The following AIG1 variants were observed in gnomAD, a reference collection of about 807,000 sequenced individuals.
AIG1 encodes androgen induced 1, also known as androgen-induced gene 1 protein.
AIG1 carries 23 observed loss-of-function variants against 31.4 expected under a neutral mutation model. That is an observed-to-expected ratio of 0.73 (90% CI 0.53 to 1.04). The LOEUF (loss-of-function observed/expected upper bound fraction) is 1.04. AIG1 is among the 50% of genes least tolerant of loss of function. The pLI, the probability that AIG1 is intolerant of heterozygous loss-of-function variation, is 0.00. For synonymous variants in AIG1, 100 were observed against 110.5 expected, an observed-to-expected ratio of 0.90 and a Z score of 0.60; for missense variants, 274 against 295.0, an observed-to-expected ratio of 0.93 and a Z score of 0.52.
intron 3 of AIG1, among the ~76,000 whole-genome samples, chr6:143,182,838 T>A (rs1224009144): frequency 2.0e-5 from 3 of 152,232 alleles, no homozygotes; most frequent in Non-Finnish European, 4.4e-5. Context: ...GTCCATGTTT[T>A]CTCTTGTTCT....
chr6:143,249,627 T>G (rs1458766262), intron 3 of AIG1, among the ~76,000 whole-genome samples: 4 of 152,230 alleles, frequency 2.6e-5, no homozygotes, highest in Non-Finnish European at 5.9e-5. Context: ...GACTTCCTAC[T>G]GCACTACCAG....
chr6:143,324,284 C>T (rs1013769011), intron 4 of AIG1, among the ~76,000 whole-genome samples: 2 of 152,168 alleles, frequency 1.3e-5, no homozygotes, highest in African/African-American at 2.4e-5. Flanking sequence ...CTGAACTCTG[C>T]GTTTTATAAG....
chr6:143,147,312 T>C (rs1329276239), intron 2 of AIG1, among the ~76,000 whole-genome samples: 1 of 152,110 alleles, frequency 6.6e-6, no homozygotes, highest in African/African-American at 2.4e-5. Flanking sequence ...CCAGAAAAGA[T>C]TGGAGAGGAA....
At chr6:143,190,627 C>T (rs1309927586) in intron 3 of AIG1, 4 of 985,052 alleles carry the variant, frequency 4.1e-6, no homozygotes, top group Non-Finnish European at 4.8e-6. Context: ...ACAGATCCTC[C>T]AGTTGAACAG....
rs9403445 is a variant in AIG1 at position 143,114,295 on chromosome 6, A to C, written c.142-22540A>C. ...TGTTTTGGTTTTGTTTTTCTCCTAA[A>C]AAACCAGTGTGACTAGTTTAAAACA... is the stretch of plus-strand genomic sequence containing the variant. On this transcript the variant is annotated intron_variant, in intron 1 of 5. Coordinates refer to ENST00000357847, the MANE Select transcript of AIG1 (RefSeq NM_016108.4). Among the ~76,000 whole-genome samples, 447 of 152,360 alleles carry C rather than the reference A, an allele frequency of 2.9e-3. 11 individuals carry two copies. In the East Asian group the frequency reaches 0.053, roughly 18 times the overall value.
rs1317261253 is a variant in AIG1, at chr6:143,292,046, G to T, written c.515+7821G>T. On this transcript the variant is annotated intron_variant, in intron 4 of 5. Coordinates refer to ENST00000357847, the MANE Select transcript of AIG1 (RefSeq NM_016108.4). This position sits in a 1 kb window ranked among gnomAD's most constrained non-coding sequence, Gnocchi z 4.9. ...GGCCTGGACCCTGGTGGTAGAAATG[G>T]CGTTAATAGGATTCTGGATATATTT... Among the ~76,000 whole-genome samples, 2 of 152,180 alleles carry T rather than the reference G, an allele frequency of 1.3e-5. No individual in the cohort carries two copies. The highest frequency in any genetic ancestry group is 1.3e-4 in the Admixed American group (2 of 15,280).
chr6:143,274,398 A>T (rs537389350), intron 3 of AIG1, among the ~76,000 whole-genome samples: 1 of 152,364 alleles, frequency 6.6e-6, no homozygotes, highest in East Asian at 1.9e-4. Context: ...TTGAGGCATT[A>T]TCTTGAGAAT....
chr6:143,067,772 T>TGAGTACTCA lies in AIG1; in HGVS notation c.141+6708_141+6716dup, dbSNP rs764977647. 2.0e-4 allele frequency among the ~76,000 whole-genome samples: 31 copies of TGAGTACTCA among 152,332 alleles called. No homozygotes were observed. In the Middle Eastern group the frequency reaches 0.01, roughly 50 times the overall value. On this transcript the variant is annotated intron_variant, in intron 1 of 5. Coordinates refer to ENST00000357847, the MANE Select transcript of AIG1 (RefSeq NM_016108.4). ...TGCCACGTGAAGGCCAGTAGTTTAT[T>TGAGTACTCA]GAGTACTCAGGGAACAAAATTAGGT...
At position 143,301,820 on chromosome 6, in the gene AIG1, A is replaced by G. The variant is rs192156283; in HGVS notation, c.515+17595A>G. Among the ~76,000 whole-genome samples, 501 of 152,316 alleles carry G rather than the reference A, an allele frequency of 3.3e-3. 6 individuals carry two copies. Among genetic ancestry groups the G allele is most frequent in the Non-Finnish European group, 5.4e-3 (370 of 68,022 alleles). ...GCCAAACCATATCAGACAGTATCCA[A>G]ATACTCACCATGTCACTGCTTAATG... On this transcript the variant is annotated intron_variant, in intron 4 of 5. Coordinates refer to ENST00000357847, the MANE Select transcript of AIG1 (RefSeq NM_016108.4).
chr6:143,255,198 T>C (rs180750197), intron 3 of AIG1, among the ~76,000 whole-genome samples: 1 of 152,250 alleles, frequency 6.6e-6, no homozygotes, highest in East Asian at 1.9e-4. Context: ...TTAGCAACAA[T>C]AATTGAGCCA....
chr6:143,187,392 A>G (rs1402193093), intron 3 of AIG1: 1 of 1,535,380 alleles, frequency 6.5e-7, no homozygotes, highest in East Asian at 2.4e-5. Flanking sequence ...TTGCAGCTAT[A>G]GCAACTAGAT....
chr6:143,235,223 A>T (rs1371298357), intron 3 of AIG1, among the ~76,000 whole-genome samples: 1 of 151,924 alleles, frequency 6.6e-6, no homozygotes, highest in East Asian at 1.9e-4. Context: ...AGAAGACAGG[A>T]TTTTTCATCA....
At chr6:143,336,691 C>G (rs1195138586) in intron 5 of AIG1, among the ~76,000 whole-genome samples, 1 of 152,166 alleles carries the variant, frequency 6.6e-6, no homozygotes, top group Non-Finnish European at 1.5e-5. Context: ...ATATTCCATC[C>G]CAACAACCCC....
upstream of AIG1, chr6:143,060,843 C>T: frequency 1.1e-6 from 1 of 940,762 alleles, no homozygotes; most frequent in Non-Finnish European, 1.3e-6. Context: ...GCCCGGGTTC[C>T]CACGGCGCCC....
At chr6:143,167,841 G>A (rs1400770042) in intron 3 of AIG1, among the ~76,000 whole-genome samples, 1 of 152,168 alleles carries the variant, frequency 6.6e-6, no homozygotes, top group Non-Finnish European at 1.5e-5. Context: ...TGTCCTAATA[G>A]TGATAAATGA....
intron 1 of AIG1, among the ~76,000 whole-genome samples, chr6:143,124,541 C>A (rs1782524517): frequency 6.6e-6 from 1 of 152,218 alleles, no homozygotes; most frequent in African/African-American, 2.4e-5. Flanking sequence ...GCTTGCCCAG[C>A]TGCTGTGGCT....
At chr6:143,108,196 C>T (rs1344156830) in intron 1 of AIG1, among the ~76,000 whole-genome samples, 3 of 152,238 alleles carry the variant, frequency 2.0e-5, no homozygotes, top group African/African-American at 2.4e-5. Context: ...CACATTGTAA[C>T]GGGTGTGATT....
chr6:143,214,237 T>A (rs982243712), intron 3 of AIG1, among the ~76,000 whole-genome samples: 8 of 152,118 alleles, frequency 5.3e-5, no homozygotes, highest in Admixed American at 2.6e-4. Flanking sequence ...ACCAGTCGAG[T>A]CTGGAATGCT....
At chr6:143,156,649 T>A (rs1338876296) in intron 2 of AIG1, among the ~76,000 whole-genome samples, 1 of 152,232 alleles carries the variant, frequency 6.6e-6, no homozygotes, top group Non-Finnish European at 1.5e-5. Context: ...GGAGACCACA[T>A]GCAGAAGGAG....
Sources: gnomAD v4.1 joint callset for allele counts (sites outside exome capture counted in the v4.1 genomes callset) on GRCh38, gnomAD v4.1.1 for gene constraint, Gnocchi (gnomAD v3.1) non-coding constraint, MANE v1.5 for transcripts, NCBI Gene and HGNC (gene_info 2026-07-23, HGNC 2026-07-21) for gene names.